Variants in DTNBP1 observed in about 807,000 individuals in gnomAD.
DTNBP1 encodes the protein dystrobrevin binding protein 1, also known as dysbindin.
DTNBP1 carries 35 observed loss-of-function variants against 42.8 expected under a neutral mutation model. The ratio of observed to expected loss-of-function variants is 0.82; its 90% CI spans 0.63 to 1.09. The LOEUF (loss-of-function observed/expected upper bound fraction) is 1.09. Ranked by LOEUF, DTNBP1 falls within the 50% of genes least tolerant of loss-of-function variation. The probability of loss-of-function intolerance (pLI) is 0.00; values close to 1 mark genes in which losing one functional copy is unlikely to be tolerated. For synonymous variants in DTNBP1, 171 were observed against 162.2 expected (o/e 1.05, Z -0.41); for missense variants, 457 against 424.2 (o/e 1.08, Z -0.68).
chr6:15,593,946 C>A (rs1028796975), intron 6 of DTNBP1, among the ~76,000 whole-genome samples: 1 of 151,968 alleles, frequency 6.6e-6, no homozygotes, highest in African/African-American at 2.4e-5. Flanking sequence ...ATTACAATAC[C>A]CCTCATGTTC....
intron 6 of DTNBP1, among the ~76,000 whole-genome samples, chr6:15,608,780 G>A (rs1758220844): frequency 1.3e-5 from 2 of 152,188 alleles, no homozygotes; most frequent in Admixed American, 1.3e-4. Flanking sequence ...CGGCATTGTT[G>A]CTGAAAAGTT....
intron 1 of DTNBP1, among the ~76,000 whole-genome samples, chr6:15,660,927 C>G (rs1761573409): frequency 1.3e-5 from 2 of 152,082 alleles, no homozygotes; most frequent in Non-Finnish European, 2.9e-5. Context: ...TTCAGCATCA[C>G]ACCAAAAAGT....
At chr6:15,551,276 G>C (rs1462706965) in intron 7 of DTNBP1, among the ~76,000 whole-genome samples, 1 of 152,178 alleles carries the variant, frequency 6.6e-6, no homozygotes, top group African/African-American at 2.4e-5. Context: ...AGACAAGTAT[G>C]AGATGCTGAA....
rs778231557 is a variant in DTNBP1, at chr6:15,652,132, G to A, written c.65C>T (p.Thr22Ile). The A allele has an allele frequency of 6.2e-7, 1 of 1,609,248 alleles. No individual in the cohort carries two copies. Among genetic ancestry groups the A allele is most frequent in the Non-Finnish European group, 8.5e-7 (1 of 1,176,156 alleles). The change falls in exon 2 of 10, where the codon ACT (threonine) becomes ATT (isoleucine). Residue 22 changes from threonine (T) to isoleucine (I), a missense_variant. Physicochemically the swap from Thr to Ile is moderately conservative, Grantham distance 89. Transcript: ENST00000344537. ...TGCTTCTCTTGACTTGTCACTTAAAGTCTTCAGCCTATAATTCAATATAAA... is the reference window on the plus strand; with the variant it reads ...TGCTTCTCTTGACTTGTCACTTAAAATCTTCAGCCTATAATTCAATATAAA... ...VQQDFTSGLK[T>I]LSDKSREAKV...
At chr6:15,569,001 C>G (rs938715373) in intron 7 of DTNBP1, among the ~76,000 whole-genome samples, 1 of 152,154 alleles carries the variant, frequency 6.6e-6, no homozygotes, top group Non-Finnish European at 1.5e-5. Flanking sequence ...TTTCCCCTTA[C>G]AAAGCCCTTT....
At chr6:15,568,598 C>T (rs1179626383) in intron 7 of DTNBP1, among the ~76,000 whole-genome samples, 1 of 152,038 alleles carries the variant, frequency 6.6e-6, no homozygotes, top group African/African-American at 2.4e-5. Context: ...GCCTGCCTCT[C>T]CTTCCACCTC....
chr6:15,531,705 C>G (rs1772839976), intron 8 of DTNBP1, among the ~76,000 whole-genome samples: 2 of 152,218 alleles, frequency 1.3e-5, no homozygotes, highest in South Asian at 4.1e-4. Context: ...GCGATCTCAG[C>G]TCACTGCAAC....
chr6:15,531,146 C>A lies in DTNBP1; in HGVS notation c.667+2094G>T, dbSNP rs75399626. Reference sequence around the variant, plus strand: ...CAAGGAAGAGAGCCCTCATCAGAAACCGATCGCGCCAGCATGCTGATCTTG... The same window carrying A: ...CAAGGAAGAGAGCCCTCATCAGAAAACGATCGCGCCAGCATGCTGATCTTG... On this transcript the variant is annotated intron_variant, in intron 8 of 9. Coordinates refer to ENST00000344537, the MANE Select transcript of DTNBP1 (RefSeq NM_032122.5). 7.2e-4 allele frequency among the ~76,000 whole-genome samples: 109 copies of A among 152,298 alleles called. 3 individuals carry two copies. The East Asian group carries it at 0.014, about 20-fold the overall frequency.
At chr6:15,585,792 C>A in intron 7 of DTNBP1, 1 of 1,526,048 alleles carries the variant, frequency 6.6e-7, no homozygotes, top group Non-Finnish European at 8.8e-7. Context: ...TGAACAGAAG[C>A]TCAGTGCTGG....
chr6:15,585,791 G>A, intron 7 of DTNBP1: 2 of 1,526,590 alleles, frequency 1.3e-6, no homozygotes, highest in African/African-American at 1.4e-5. Context: ...GTGAACAGAA[G>A]CTCAGTGCTG....
intron 6 of DTNBP1, among the ~76,000 whole-genome samples, chr6:15,603,847 G>C (rs541430527): frequency 2.0e-5 from 3 of 152,286 alleles, no homozygotes; most frequent in South Asian, 2.1e-4. Context: ...GTGAGTGCCA[G>C]GCACTGTTAG....
At chr6:15,550,072 T>C (rs546869280) in intron 7 of DTNBP1, among the ~76,000 whole-genome samples, 2 of 152,270 alleles carry the variant, frequency 1.3e-5, no homozygotes, top group East Asian at 3.9e-4. Context: ...TCAGTGTAGC[T>C]CCAGGAAATC....
At chr6:15,545,982 C>T (rs12527121) in intron 7 of DTNBP1, 29,660 of 435,560 alleles carry the variant, frequency 0.068, 1,334 homozygotes, top group Admixed American at 0.11. Context: ...CACCTCCCAC[C>T]ATGCACCCTG....
intron 7 of DTNBP1, among the ~76,000 whole-genome samples, chr6:15,577,131 G>C (rs1775612900): frequency 6.6e-6 from 1 of 152,252 alleles, no homozygotes; most frequent in Non-Finnish European, 1.5e-5. Flanking sequence ...GGAAGAGCAG[G>C]ACAGGCGGTG....
chr6:15,606,379 C>T (rs1167570976), intron 6 of DTNBP1, among the ~76,000 whole-genome samples: 1 of 152,178 alleles, frequency 6.6e-6, no homozygotes, highest in Non-Finnish European at 1.5e-5. Flanking sequence ...TCAGTTTGTT[C>T]CAACTTAACA....
chr6:15,636,509 C>A (rs1760032872), intron 4 of DTNBP1, among the ~76,000 whole-genome samples: 1 of 152,158 alleles, frequency 6.6e-6, no homozygotes, highest in Non-Finnish European at 1.5e-5. Flanking sequence ...TAACTTAGAA[C>A]CCCATACTCC....
At chr6:15,583,194 G>A (rs986174696) in intron 7 of DTNBP1, among the ~76,000 whole-genome samples, 3 of 152,042 alleles carry the variant, frequency 2.0e-5, no homozygotes, top group Admixed American at 2.0e-4. Context: ...GTTACCCTGG[G>A]CTGGTGTCAA....
At chr6:15,524,389 G>A in intron 9 of DTNBP1, 137 bp downstream of exon 9, 2 of 1,614,130 alleles carry the variant, frequency 1.2e-6, no homozygotes, top group Middle Eastern at 1.7e-4. Flanking sequence ...GAACCGTGGG[G>A]TTAGGGAGCC....
chr6:15,611,450 C>G (rs1370231482), intron 6 of DTNBP1, among the ~76,000 whole-genome samples: 1 of 152,192 alleles, frequency 6.6e-6, no homozygotes, highest in Non-Finnish European at 1.5e-5. Flanking sequence ...GAACGCAACA[C>G]TGATTCTGCA....
Sources: gnomAD v4.1 joint callset for allele counts (sites outside exome capture counted in the v4.1 genomes callset) on GRCh38, gnomAD v4.1.1 for gene constraint, MANE v1.5 for transcripts, NCBI Gene and HGNC (gene_info 2026-07-23, HGNC 2026-07-21) for gene names.